ESRRB: variants seen among roughly 807,000 people sequenced by gnomAD.
ESRRB encodes the protein steroid hormone receptor ERR2.
A neutral mutation model predicts 46.0 loss-of-function variants in ESRRB; 16 were observed. The observed-to-expected ratio is 0.35, with a 90% CI of 0.24 to 0.53. The LOEUF (loss-of-function observed/expected upper bound fraction) is 0.53. Ranked by LOEUF, ESRRB falls within the 20% of genes least tolerant of loss-of-function variation. The pLI is 0.93. For synonymous variants in ESRRB, 246 were observed against 259.6 expected (o/e 0.95, Z 0.50); for missense variants, 488 against 607.4 (o/e 0.80, Z 2.07).
At chr14:76,425,623 C>T (rs771867364) in intron 1 of ESRRB, among the ~76,000 whole-genome samples, 3 of 152,172 alleles carry the variant, frequency 2.0e-5, no homozygotes, top group Non-Finnish European at 4.4e-5. Flanking sequence ...CAGGTATCTG[C>T]TTAAATGTCA....
At chr14:76,328,784 C>T (rs1344348467) in intron 1 of ESRRB, among the ~76,000 whole-genome samples, 4 of 152,126 alleles carry the variant, frequency 2.6e-5, no homozygotes, top group South Asian at 2.1e-4. Flanking sequence ...CTCTGGTCCA[C>T]GCATGCACTC....
At chr14:76,357,634 C>G (rs1884398405) in intron 1 of ESRRB, among the ~76,000 whole-genome samples, 1 of 152,306 alleles carries the variant, frequency 6.6e-6, no homozygotes, top group South Asian at 2.1e-4. Context: ...CTGCCTCAGT[C>G]TTCCAAGTAG....
chr14:76,404,351 A>AT (rs1886078676), intron 1 of ESRRB: 1 of 148,760 alleles, frequency 6.7e-6, no homozygotes, highest in African/African-American at 2.4e-5. Flanking sequence ...TATATTATTT[A>AT]TATAATATTA....
intron 1 of ESRRB, among the ~76,000 whole-genome samples, chr14:76,315,568 GT>G (rs1355214525): frequency 2.0e-5 from 3 of 152,234 alleles, no homozygotes; most frequent in Non-Finnish European, 2.9e-5. Flanking sequence ...TCATAGGGTT[GT>G]TGGGAAGATG....
intron 1 of ESRRB, chr14:76,404,358 A>G (rs1886079523): frequency 1.3e-5 from 2 of 149,064 alleles, no homozygotes; most frequent in South Asian, 2.1e-4. Flanking sequence ...TTTATATAAT[A>G]TTATATAATA....
intron 2 of ESRRB, among the ~76,000 whole-genome samples, chr14:76,457,445 C>T (rs1888661256): frequency 7.2e-6 from 1 of 138,242 alleles, no homozygotes; most frequent in Non-Finnish European, 1.6e-5. Context: ...TTTCTTGTAG[C>T]AGGATGAGTT....
intron 1 of ESRRB, among the ~76,000 whole-genome samples, chr14:76,380,403 G>A (rs369098057): frequency 5.9e-5 from 9 of 152,236 alleles, no homozygotes; most frequent in East Asian, 3.9e-4. Flanking sequence ...ACTCTGCAGC[G>A]CCCTTCTCTA....
intron 1 of ESRRB, among the ~76,000 whole-genome samples, chr14:76,386,094 T>C (rs1034286034): frequency 1.3e-5 from 2 of 152,226 alleles, no homozygotes; most frequent in Non-Finnish European, 2.9e-5. Flanking sequence ...GTGCTTGAAC[T>C]GACTACTTTG....
chr14:76,479,347 G>C (rs1208999429), intron 3 of ESRRB, among the ~76,000 whole-genome samples: 2 of 152,194 alleles, frequency 1.3e-5, no homozygotes, highest in Non-Finnish European at 2.9e-5. Flanking sequence ...CGCCAAAGCA[G>C]CCGGTAGCTG....
intron 2 of ESRRB, among the ~76,000 whole-genome samples, chr14:76,449,375 AC>A (rs1888285021): frequency 6.6e-6 from 1 of 151,742 alleles, no homozygotes; most frequent in Non-Finnish European, 1.5e-5. Flanking sequence ...ACATGGCGAA[AC>A]CCCATCTCTA....
intron 1 of ESRRB, among the ~76,000 whole-genome samples, chr14:76,392,532 C>T (rs1216462502): frequency 6.6e-6 from 1 of 152,206 alleles, no homozygotes; most frequent in Non-Finnish European, 1.5e-5. Context: ...GTCTGTCTGC[C>T]TGAAACAGCT....
chr14:76,326,163 G>A (rs376131250), intron 1 of ESRRB, among the ~76,000 whole-genome samples: 6 of 152,110 alleles, frequency 3.9e-5, no homozygotes, highest in African/African-American at 7.2e-5. Flanking sequence ...TTGTATACCT[G>A]CTCAGAATGC....
chr14:76,394,140 T>C, intron 1 of ESRRB, among the ~76,000 whole-genome samples: 1 of 152,054 alleles, frequency 6.6e-6, no homozygotes. Context: ...TTCCAGCTCC[T>C]GGCCATGTGG....
chr14:76,360,901 C>T (rs773245461), intron 1 of ESRRB, among the ~76,000 whole-genome samples: 9 of 152,308 alleles, frequency 5.9e-5, no homozygotes, highest in East Asian at 1.9e-4. Flanking sequence ...CATTTCCCCC[C>T]GGCCAGACAG....
intron 2 of ESRRB, among the ~76,000 whole-genome samples, chr14:76,442,816 C>CTTTTTTTTTTTTTTT (rs1245748328): frequency 1.4e-4 from 18 of 131,078 alleles, no homozygotes; most frequent in Non-Finnish European, 1.6e-4. Context: ...TCTTTTTTTT[C>CTTTTTTTTTTTTTTT]TTTTTTTTTT....
Position 76,455,692 on chromosome 14 carries a change from A to G in ESRRB, c.461-6853A>G, listed in dbSNP as rs554905021. 4.6e-5 allele frequency among the ~76,000 whole-genome samples: 7 copies of G among 152,262 alleles called. No homozygotes were observed. The South Asian group carries it at 1.5e-3, about 32-fold the overall frequency. On this transcript the variant is annotated intron_variant, in intron 2 of 6. Transcript: ENST00000644823. ...GTATATGTGGAAATGCCTCTATTCC[A>G]TCCTCCAACCTTCACATTAGATTCA...
intron 3 of ESRRB, among the ~76,000 whole-genome samples, chr14:76,466,963 G>A (rs1889139970): frequency 1.3e-5 from 2 of 151,874 alleles, no homozygotes; most frequent in African/African-American, 4.8e-5. Context: ...CTTGTGATCT[G>A]CCCGCCTCAG....
rs1041919481 is a variant in ESRRB, at chr14:76,376,231, G to T, written c.-171G>T. Reference sequence around the variant, plus strand: ...ATGAGTGGAGAGCTGGGCTGTGCGCGCACGGCTCTCTGCCTCCCTCTCCCC... The same window carrying T: ...ATGAGTGGAGAGCTGGGCTGTGCGCTCACGGCTCTCTGCCTCCCTCTCCCC... On this transcript the variant is annotated 5_prime_UTR_variant, in exon 1 of 7. Coordinates refer to ENST00000644823, the MANE Select transcript of ESRRB (RefSeq NM_001379180.1). The surrounding 1 kb of genome is among the most constrained non-coding windows in gnomAD (Gnocchi z 4.1). The T allele has an allele frequency of 4.9e-6, 2 of 407,438 alleles. No individual in the cohort carries two copies. The highest frequency in any genetic ancestry group is 8.5e-6 in the Non-Finnish European group (2 of 235,830). 25.2% of individuals were successfully genotyped at this position (407,438 alleles called of 1,614,324 possible).
upstream of ESRRB, among the ~76,000 whole-genome samples, chr14:76,373,269 A>C (rs1220572218): frequency 6.6e-6 from 1 of 152,174 alleles, no homozygotes; most frequent in Non-Finnish European, 1.5e-5. Flanking sequence ...CTAGGTGAGC[A>C]GTAAAATAAA....
Sources: allele counts gnomAD v4.1 joint callset (sites outside exome capture counted in the v4.1 genomes callset), GRCh38; gene constraint gnomAD v4.1.1; non-coding constraint Gnocchi (gnomAD v3.1); transcripts MANE v1.5; gene names NCBI Gene and HGNC (gene_info 2026-07-23, HGNC 2026-07-21).